Variants in LEP observed in about 807,000 individuals in gnomAD.
LEP encodes leptin (murine obesity homolog).
A neutral mutation model predicts 9.8 loss-of-function variants in LEP; 6 were observed. The observed-to-expected ratio is 0.61, with a 90% CI of 0.34 to 1.21. The LOEUF (loss-of-function observed/expected upper bound fraction) is 1.21, where lower values mean the gene tolerates loss of function less well. Ranked by LOEUF, LEP falls within the 50% of genes most tolerant of loss-of-function variation. The pLI, the probability that LEP is intolerant of heterozygous loss-of-function variation, is 0.04. For missense variants in LEP, 134 were observed against 198.1 expected (o/e 0.68, Z 1.94); for synonymous variants, 112 against 81.7 (o/e 1.37, Z -2.00).
chr7:128,255,168 C>T lies in LEP; in HGVS notation c.*405C>T, dbSNP rs1466445638. On this transcript the variant is annotated 3_prime_UTR_variant, in exon 3 of 3. Coordinates refer to ENST00000308868, the MANE Select transcript of LEP (RefSeq NM_000230.3). ...CCTTTGGATGACCAGAACAAGGTTCCCTCTGAGAATTCCAAGGAGTTCCAT... is the reference window on the plus strand; with the variant it reads ...CCTTTGGATGACCAGAACAAGGTTCTCTCTGAGAATTCCAAGGAGTTCCAT... 3 of 214,938 alleles carry T rather than the reference C, an allele frequency of 1.4e-5. No homozygotes were observed. Among genetic ancestry groups the T allele is most frequent in the Non-Finnish European group, 2.9e-5 (3 of 104,876 alleles). 13.3% of individuals were successfully genotyped at this position (214,938 alleles called of 1,614,324 possible). A position where few individuals can be genotyped will look rare whatever the true frequency, so the allele number is the denominator to read the frequency against.
intron 1 of LEP, among the ~76,000 whole-genome samples, chr7:128,250,766 C>T (rs1013134589): frequency 2.0e-5 from 3 of 152,088 alleles, no homozygotes; most frequent in Non-Finnish European, 4.4e-5. Flanking sequence ...ACACGAAAAG[C>T]GGAGATTAAT....
intron 1 of LEP, among the ~76,000 whole-genome samples, chr7:128,247,973 C>T (rs1482386745): frequency 6.6e-6 from 1 of 152,216 alleles, no homozygotes; most frequent in East Asian, 1.9e-4. Flanking sequence ...GGCATTTCTT[C>T]ATTTAAATGT....
intron 1 of LEP, 97 bp from the exon 2 acceptor site, chr7:128,251,894 G>C: frequency 9.8e-7 from 1 of 1,017,398 alleles, no homozygotes; most frequent in East Asian, 2.4e-5. Flanking sequence ...AAGCAAAGCT[G>C]ATTTTCATCC....
In LEP at chr7:128,257,498, G is replaced by A. The variant is rs948622897; in HGVS notation, c.*2735G>A. The A allele has an allele frequency of 2.0e-5, 3 of 151,628 alleles. No individual in the cohort carries two copies. The highest frequency in any genetic ancestry group is 7.3e-5 in the African/African-American group (3 of 41,212). The allele number at this position is 151,628 out of a possible 1,614,324, so 9.4% of individuals were successfully genotyped here. ...ACAGGAGAATCGCTTAAACCTGGGA[G>A]GCGGAGAGTACAGTGAGCCAAGATC... On this transcript the variant is annotated 3_prime_UTR_variant, in exon 3 of 3. Transcript: ENST00000308868.
Position 128,252,069 on chromosome 7 carries a change from C to G in LEP, c.51C>G (p.Phe17Leu). 1 of 1,614,176 alleles carries G rather than the reference C, an allele frequency of 6.2e-7. No homozygotes were observed. Among genetic ancestry groups the G allele is most frequent in the Non-Finnish European group, 8.5e-7 (1 of 1,180,022 alleles). ...CGFLWLWPYL[F>L]YVQAVPIQKV... is the part of the protein sequence containing the mutation. Reference sequence around the variant, plus strand: ...TCTTGTGGCTTTGGCCCTATCTTTTCTATGTCCAAGCTGTGCCCATCCAAA... The same window carrying G: ...TCTTGTGGCTTTGGCCCTATCTTTTGTATGTCCAAGCTGTGCCCATCCAAA... The change falls in exon 2 of 3, where the codon TTC (phenylalanine) becomes TTG (leucine). Residue 17 changes from phenylalanine to leucine, a missense_variant. Transcript: ENST00000308868.
intron 2 of LEP, among the ~76,000 whole-genome samples, chr7:128,252,578 A>G (rs1795288286): frequency 6.6e-6 from 1 of 151,586 alleles, no homozygotes; most frequent in Admixed American, 6.6e-5. Flanking sequence ...AAAATAATAA[A>G]AAATGTTAGC....
Position 128,254,478 on chromosome 7 carries a change from C to T in LEP, c.219C>T (p.Ser73=), listed in dbSNP as rs750649453. The change falls in exon 3 of 3, where the codon TCC becomes TCT. Residue 73 remains serine (S), a synonymous_variant. Transcript: ENST00000308868. ...IPGLHPILTL[S]KMDQTLAVYQ... Reference sequence around the variant, plus strand: ...GGCTCCACCCCATCCTGACCTTATCCAAGATGGACCAGACACTGGCAGTCT... The same window carrying T: ...GGCTCCACCCCATCCTGACCTTATCTAAGATGGACCAGACACTGGCAGTCT... 2 of 1,614,134 alleles carry T rather than the reference C, an allele frequency of 1.2e-6. No individual in the cohort carries two copies. The highest frequency in any genetic ancestry group is 1.7e-5 in the Admixed American group (1 of 60,028).
intron 1 of LEP, among the ~76,000 whole-genome samples, chr7:128,246,764 A>G (rs997046448): frequency 6.6e-6 from 1 of 151,928 alleles, no homozygotes; most frequent in African/African-American, 2.4e-5. Flanking sequence ...ACCCAGCCAC[A>G]TTTCATCTGT....
chr7:128,254,015 G>T (rs3793162), intron 2 of LEP, among the ~76,000 whole-genome samples: 1 of 151,822 alleles, frequency 6.6e-6, no homozygotes, highest in East Asian at 1.9e-4. Context: ...GGGAGGACTC[G>T]GCTGGGGGTA....
In LEP at chr7:128,256,075, A is replaced by G. The variant is rs1043679783; in HGVS notation, c.*1312A>G. 6.6e-6 allele frequency: 1 copy of G among 152,224 alleles called. No homozygotes were observed. The highest frequency in any genetic ancestry group is 2.4e-5 in the African/African-American group (1 of 41,444). The allele number at this position is 152,224 out of a possible 1,614,324, so 9.4% of individuals were successfully genotyped here. On this transcript the variant is annotated 3_prime_UTR_variant, in exon 3 of 3. Coordinates refer to ENST00000308868, the MANE Select transcript of LEP (RefSeq NM_000230.3). Reference sequence around the variant, plus strand: ...TTCCTATTTGGGGCTTGCATGCCAAATTGTAGTTCTTGTCTGATTGGCTCA... The same window carrying G: ...TTCCTATTTGGGGCTTGCATGCCAAGTTGTAGTTCTTGTCTGATTGGCTCA...
At chr7:128,250,432 G>A (rs982404727) in intron 1 of LEP, among the ~76,000 whole-genome samples, 18 of 152,158 alleles carry the variant, frequency 1.2e-4, no homozygotes, top group African/African-American at 4.3e-4. Context: ...CCTTGACTGG[G>A]AATTGGGGTG....
intron 1 of LEP, among the ~76,000 whole-genome samples, chr7:128,242,617 T>C (rs1385321345): frequency 6.6e-6 from 1 of 152,214 alleles, no homozygotes; most frequent in Non-Finnish European, 1.5e-5. Flanking sequence ...GGGGAACATT[T>C]CCACATTGGC....
chr7:128,251,918 T>TAA (rs1795279283), intron 1 of LEP, 73 bp from the exon 2 acceptor site: 7 of 1,186,336 alleles, frequency 5.9e-6, no homozygotes, highest in Non-Finnish European at 8.8e-6. Context: ...TCTGGTAATG[T>TAA]GGTTGGTAAT....
chr7:128,242,211 T>C (rs1220106238), intron 1 of LEP, among the ~76,000 whole-genome samples: 2 of 152,212 alleles, frequency 1.3e-5, no homozygotes, highest in African/African-American at 2.4e-5. Context: ...GAATAGCAGC[T>C]TCCAAGAGGT....
intron 1 of LEP, among the ~76,000 whole-genome samples, chr7:128,246,419 T>A (rs757193558): frequency 5.3e-5 from 8 of 152,164 alleles, no homozygotes; most frequent in Non-Finnish European, 8.8e-5. Context: ...AAGCCTCTCT[T>A]GCTGCCCTGT....
In LEP at chr7:128,248,859, A is replaced by C. The variant is rs146236504; in HGVS notation, c.-28-3132A>C. On this transcript the variant is annotated intron_variant, in intron 1 of 2. Coordinates refer to ENST00000308868, the MANE Select transcript of LEP (RefSeq NM_000230.3). ...TCTTTTTCATGTCTGTTTCTGGCCC[A>C]CAGTGGGCGATCAATACATGTTAGC... is the stretch of plus-strand genomic sequence containing the variant. 4.7e-4 allele frequency among the ~76,000 whole-genome samples: 72 copies of C among 152,310 alleles called. No homozygotes were observed. In the East Asian group the frequency reaches 0.013, roughly 28 times the overall value.
intron 1 of LEP, among the ~76,000 whole-genome samples, chr7:128,241,603 T>G (rs1022778602): frequency 9.2e-5 from 14 of 152,178 alleles, no homozygotes; most frequent in Non-Finnish European, 1.0e-4. Flanking sequence ...TTCGCAGAGC[T>G]GAGATGCATT....
chr7:128,250,087 A>G (rs1795256588), intron 1 of LEP, among the ~76,000 whole-genome samples: 1 of 152,182 alleles, frequency 6.6e-6, no homozygotes. Context: ...GCTTTAAGGA[A>G]GCATCTTGCC....
rs778907825 is a variant in LEP, at chr7:128,251,991, G to T, written c.-28G>T. Reference sequence around the variant, plus strand: ...AGTGTGTGGTTCCTTCTGTTTTCAGGCCCAAGAAGCCCATCCTGGGAAGGA... The same window carrying T: ...AGTGTGTGGTTCCTTCTGTTTTCAGTCCCAAGAAGCCCATCCTGGGAAGGA... On this transcript the variant is annotated splice_region_variant and 5_prime_UTR_variant, in exon 2 of 3. Transcript: ENST00000308868. 5 of 1,613,756 alleles carry T rather than the reference G, an allele frequency of 3.1e-6. No individual in the cohort carries two copies. The highest frequency in any genetic ancestry group is 4.2e-6 in the Non-Finnish European group (5 of 1,179,672).
Sources: gnomAD v4.1 joint callset for allele counts (sites outside exome capture counted in the v4.1 genomes callset) on GRCh38, gnomAD v4.1.1 for gene constraint, MANE v1.5 for transcripts, NCBI Gene and HGNC (gene_info 2026-07-23, HGNC 2026-07-21) for gene names.